The following DNAH14 variants were observed in gnomAD, a reference collection of about 807,000 sequenced individuals.
DNAH14 encodes axonemal beta dynein heavy chain 14.
In DNAH14, 478 loss-of-function variants were observed where a neutral mutation model predicts 520.9. That is an observed-to-expected ratio of 0.92 (90% confidence interval 0.85 to 0.99). DNAH14 has a LOEUF of 0.99. Among genes scored for constraint, DNAH14 ranks in the 50% least tolerant of loss-of-function variants. The pLI is 0.00. For synonymous variants in DNAH14, 1,581 were observed against 1,757.2 expected (o/e 0.90, Z 2.51); for missense variants, 4,831 against 5,234.5 (o/e 0.92, Z 2.38).
chr1:225,302,133 C>T (rs1170956827), intron 56 of DNAH14, among the ~76,000 whole-genome samples: 4 of 147,818 alleles, frequency 2.7e-5, no homozygotes, highest in Non-Finnish European at 1.5e-5. Flanking sequence ...ATTATATATT[C>T]TGCATATATA....
At chr1:225,175,971 G>T (rs1243266420) in intron 36 of DNAH14, among the ~76,000 whole-genome samples, 1 of 152,028 alleles carries the variant, frequency 6.6e-6, no homozygotes, top group Non-Finnish European at 1.5e-5. Flanking sequence ...GCCCAGACTG[G>T]TCTTGAACTC....
At position 225,007,480 on chromosome 1, in the gene DNAH14, C is replaced by G. The variant is rs2064269236; in HGVS notation, c.1043C>G (p.Ala348Gly). 1 of 1,540,952 alleles carries G rather than the reference C, an allele frequency of 6.5e-7. No individual in the cohort carries two copies. Among genetic ancestry groups the G allele is most frequent in the Non-Finnish European group, 8.8e-7 (1 of 1,140,954 alleles). ...GAGCAGTTACAGCAAGCTACCCAGG[C>G]ATTGAAACAACTTGAGGACATCAGG... ...CEEQLQQATQ[A>G]LKQLEDIRNK... The change falls in exon 10 of 86, where the codon GCA becomes GGA. Residue 348 changes from alanine to glycine, a missense_variant. Coordinates refer to ENST00000682510, the MANE Select transcript of DNAH14 (RefSeq NM_001367479.1).
At chr1:225,146,907 A>G (rs2080000898) in intron 30 of DNAH14, among the ~76,000 whole-genome samples, 197 bp from the exon 31 acceptor site, 1 of 152,172 alleles carries the variant, frequency 6.6e-6, no homozygotes, top group Non-Finnish European at 1.5e-5. Context: ...TTTAGAAGCA[A>G]AAGGCAGAGT....
intron 27 of DNAH14, among the ~76,000 whole-genome samples, chr1:225,133,732 T>C (rs1051220037): frequency 2.0e-5 from 3 of 152,078 alleles, no homozygotes; most frequent in African/African-American, 7.2e-5. Flanking sequence ...TCCATATGAA[T>C]TTTAAAGTAG....
At chr1:225,317,559 A>G (rs2094488921) in intron 60 of DNAH14, among the ~76,000 whole-genome samples, 1 of 152,184 alleles carries the variant, frequency 6.6e-6, no homozygotes, top group Admixed American at 6.5e-5. Flanking sequence ...TGCCAAATGC[A>G]GTAAGTATTT....
intron 27 of DNAH14, among the ~76,000 whole-genome samples, chr1:225,132,107 A>G (rs750011309): frequency 6.6e-6 from 1 of 152,152 alleles, no homozygotes; most frequent in Non-Finnish European, 1.5e-5. Flanking sequence ...AGAGATCGGT[A>G]AACTATATTA....
At chr1:225,348,925 T>A (rs989431801) in intron 71 of DNAH14, among the ~76,000 whole-genome samples, 8 of 152,196 alleles carry the variant, frequency 5.3e-5, no homozygotes, top group Non-Finnish European at 1.2e-4. Context: ...AAAATGTAAC[T>A]TGTGACATCA....
At chr1:225,333,573 G>A (rs1301762863) in intron 66 of DNAH14, 67 bp downstream of exon 66, 11 of 1,393,804 alleles carry the variant, frequency 7.9e-6, no homozygotes, top group Non-Finnish European at 9.8e-6. Flanking sequence ...AGCTGTATGT[G>A]TAGTTTCGGC....
intron 64 of DNAH14, among the ~76,000 whole-genome samples, chr1:225,326,429 T>C (rs2094670959): frequency 6.6e-6 from 1 of 152,172 alleles, no homozygotes; most frequent in East Asian, 1.9e-4. Flanking sequence ...AAGCAGAGTC[T>C]TGGAGGCCTA....
At chr1:224,944,693 GACAAA>G (rs1558472885) in intron 1 of DNAH14, among the ~76,000 whole-genome samples, 1 of 152,162 alleles carries the variant, frequency 6.6e-6, no homozygotes, top group Non-Finnish European at 1.5e-5. Context: ...GCCCGGTGGT[GACAAA>G]ATCTCTCAGC....
rs140761951 is a variant in DNAH14, at chr1:225,222,534, G to A, written c.6440-8539G>A. On this transcript the variant is annotated intron_variant, in intron 41 of 85. Coordinates refer to ENST00000682510, the MANE Select transcript of DNAH14 (RefSeq NM_001367479.1). The stretch of plus-strand genomic sequence containing the variant: ...AGGGTTGCCGCTGCTGGCTGGGGTT[G>A]CCAGCTTTTATTCCCTTATTTGTCC... Among the ~76,000 whole-genome samples, 718 of 152,258 alleles carry A rather than the reference G, an allele frequency of 4.7e-3. 4 individuals carry two copies. Among genetic ancestry groups the A allele is most frequent in the African/African-American group, 0.016 (673 of 41,560 alleles).
intron 80 of DNAH14, among the ~76,000 whole-genome samples, chr1:225,381,141 TCCACACATAGTAGATAGTGTGGCCGCAC>T: frequency 6.6e-6 from 1 of 152,350 alleles, no homozygotes; most frequent in Non-Finnish European, 1.5e-5. Flanking sequence ...TGTCTATGCA[TCCACACATAGTAGATAGTGTGGCCGCAC>T]CCACACTACA....
intron 27 of DNAH14, among the ~76,000 whole-genome samples, chr1:225,138,126 G>A (rs2079119802): frequency 6.6e-6 from 1 of 152,178 alleles, no homozygotes; most frequent in African/African-American, 2.4e-5. Flanking sequence ...TTCTCTGCTA[G>A]GGAGAGATCA....
At chr1:225,341,944 G>GT (rs1180124521) in intron 69 of DNAH14, among the ~76,000 whole-genome samples, 1 of 152,130 alleles carries the variant, frequency 6.6e-6, no homozygotes, top group East Asian at 1.9e-4. Context: ...CATCTGTAGA[G>GT]TTTATTACCT....
chr1:225,385,379 C>T (rs1011539550), intron 81 of DNAH14, among the ~76,000 whole-genome samples: 4 of 152,168 alleles, frequency 2.6e-5, no homozygotes, highest in South Asian at 2.1e-4. Context: ...TTTTGGCCAG[C>T]GCAGTCAGGC....
At chr1:225,155,142 C>G (rs1030976694) in intron 34 of DNAH14, among the ~76,000 whole-genome samples, 1 of 152,020 alleles carries the variant, frequency 6.6e-6, no homozygotes, top group Non-Finnish European at 1.5e-5. Context: ...CTTGGTGAAA[C>G]TATAGGGAAG....
intron 42 of DNAH14, among the ~76,000 whole-genome samples, chr1:225,233,130 C>T (rs2091274485): frequency 6.6e-6 from 1 of 152,186 alleles, no homozygotes; most frequent in Admixed American, 6.5e-5. Context: ...CTGCAAAGGA[C>T]ATGATCTCAT....
At chr1:225,047,855 G>T (rs2068103277) in intron 15 of DNAH14, among the ~76,000 whole-genome samples, 1 of 152,182 alleles carries the variant, frequency 6.6e-6, no homozygotes, top group South Asian at 2.1e-4. Flanking sequence ...TATGTAGTTT[G>T]TAATAGTTAG....
chr1:225,163,384 C>T (rs2081724736), intron 35 of DNAH14, among the ~76,000 whole-genome samples: 1 of 152,108 alleles, frequency 6.6e-6, no homozygotes, highest in South Asian at 2.1e-4. Flanking sequence ...GCTAAGACTT[C>T]CAGTGCTATG....
Sources: allele counts gnomAD v4.1 joint callset (sites outside exome capture counted in the v4.1 genomes callset), GRCh38; gene constraint gnomAD v4.1.1; transcripts MANE v1.5; gene names NCBI Gene and HGNC (gene_info 2026-07-23, HGNC 2026-07-21).